COL4A3: variants seen among roughly 807,000 people sequenced by gnomAD.
COL4A3 encodes the protein collagen type IV alpha 3 chain, also known as collagen alpha-3(IV) chain.
In COL4A3, 135 loss-of-function variants were observed where a neutral mutation model predicts 217.4. The observed-to-expected ratio is 0.62, with a 90% CI of 0.54 to 0.72. The LOEUF (loss-of-function observed/expected upper bound fraction) is 0.72. COL4A3 is among the 30% of genes least tolerant of loss of function. The pLI, the probability that COL4A3 is intolerant of heterozygous loss-of-function variation, is 0.00. For missense variants in COL4A3, 1,868 were observed against 2,119.9 expected, an observed-to-expected ratio of 0.88 and a Z score of 2.33; for synonymous variants, 690 against 736.3, an observed-to-expected ratio of 0.94 and a Z score of 1.02.
Position 227,164,766 on chromosome 2 carries a change from C to A in COL4A3, c.40C>A (p.Leu14Met). 1 of 1,523,038 alleles carries A rather than the reference C, an allele frequency of 6.6e-7. No homozygotes were observed. Among genetic ancestry groups the A allele is most frequent in the Non-Finnish European group, 8.8e-7 (1 of 1,142,618 alleles). 94.3% of individuals were successfully genotyped at this position (1,523,038 alleles called of 1,614,324 possible). A position where few individuals can be genotyped will look rare whatever the true frequency, so the allele number is the denominator to read the frequency against. Residue 14 changes from leucine to methionine, a missense_variant, in exon 1 of 52, where the codon CTG becomes ATG. Physicochemically the swap from Leu to Met is conservative, Grantham distance 15. Around this residue, in one of 2 missense-constraint regions of COL4A3, gnomAD observed 365 missense variants for 333.8 expected, o/e 1.09. Coordinates refer to ENST00000396578, the MANE Select transcript of COL4A3 (RefSeq NM_000091.5). This position sits in a 1 kb window ranked among gnomAD's most constrained non-coding sequence, Gnocchi z 4.8. ...RTAPRPQVLL[L>M]PLLLVLLAAA... ...CGCCCCCAGGCCGCAGGTGCTCCTG[C>A]TGCCGCTCCTGCTGGTGCTCCTGGC... is the stretch of plus-strand genomic sequence containing the variant.
intron 47 of COL4A3, chr2:227,305,360 T>G: frequency 2.5e-6 from 1 of 397,674 alleles, no homozygotes. Flanking sequence ...TGGGTGTTCT[T>G]TCAAAAAGGC....
At position 227,226,976 on chromosome 2, in the gene COL4A3, G is replaced by T. The variant is rs2125844119; in HGVS notation, c.88-10992G>T. 2.0e-5 allele frequency among the ~76,000 whole-genome samples: 3 copies of T among 152,302 alleles called. 1 individual carries two copies. In the Middle Eastern group the frequency reaches 0.01, roughly 518 times the overall value. Reference sequence around the variant, plus strand: ...AAATATCCACAACATTTGTATTGATGAAATGCAAACTTATGGACATTGAGA... The same window carrying T: ...AAATATCCACAACATTTGTATTGATTAAATGCAAACTTATGGACATTGAGA... On this transcript the variant is annotated intron_variant, in intron 1 of 51. Transcript: ENST00000396578.
At chr2:227,209,048 CT>C (rs1161641024) in intron 1 of COL4A3, among the ~76,000 whole-genome samples, 1 of 152,206 alleles carries the variant, frequency 6.6e-6, no homozygotes, top group Non-Finnish European at 1.5e-5. Flanking sequence ...TACAAACAAA[CT>C]TTTGGAACCT....
At position 227,304,440 on chromosome 2, in the gene COL4A3, C is replaced by T. The variant is rs1254013360; in HGVS notation, c.4153+296C>T. ...TATGTCTATCTCCTCTGACAACTGT[C>T]AGTCTCGGGGCTCTATTTCTAAATG... On this transcript the variant is annotated intron_variant, in intron 46 of 51. Transcript: ENST00000396578. The T allele has an allele frequency of 8.3e-6, 3 of 363,114 alleles. No individual in the cohort carries two copies. In the East Asian group the frequency reaches 1.9e-4, roughly 22 times the overall value. The allele number at this position is 363,114 out of a possible 1,614,324, so 22.5% of individuals were successfully genotyped here. A position where few individuals can be genotyped will look rare whatever the true frequency, so the allele number is the denominator to read the frequency against.
rs1271338321 is a variant in COL4A3, at chr2:227,254,643, C to G, written c.829-13C>G. 3.7e-6 allele frequency: 6 copies of G among 1,600,462 alleles called. No individual in the cohort carries two copies. Among genetic ancestry groups the G allele is most frequent in the Non-Finnish European group, 5.1e-6 (6 of 1,167,804 alleles). On this transcript the variant is annotated splice_polypyrimidine_tract_variant and intron_variant, in intron 14 of 51. Coordinates refer to ENST00000396578, the MANE Select transcript of COL4A3 (RefSeq NM_000091.5). ...GTAATTCATAAAATTTGACATGGCT[C>G]TAATTAATACAGGGACTGCCTGGAG...
chr2:227,170,209 T>TATTTC (rs10652974), intron 1 of COL4A3, among the ~76,000 whole-genome samples: 7,510 of 152,242 alleles, frequency 0.049, 225 homozygotes, highest in Admixed American at 0.087. Context: ...ATTTTCTTAT[T>TATTTC]TAACAGTTTG....
At chr2:227,213,700 A>G (rs13384288) in intron 1 of COL4A3, among the ~76,000 whole-genome samples, 11,573 of 152,090 alleles carry the variant, frequency 0.076, 644 homozygotes, top group African/African-American at 0.15. Flanking sequence ...TCAGGAGATC[A>G]AGACCAGCCT....
At position 227,310,806 on chromosome 2, in the gene COL4A3, C is replaced by A; in HGVS notation, c.4786C>A (p.Gln1596Lys). 3.1e-6 allele frequency: 5 copies of A among 1,614,118 alleles called. No individual in the cohort carries two copies. In the South Asian group the frequency reaches 4.4e-5, roughly 14 times the overall value. ...AAGTGCAGGTTCTGAGGGCACCGGG[C>A]AAGCACTGGCCTCCCCTGGCTCCTG... ...FTSAGSEGTGQALASPGSCLE... is the reference protein window; with the variant it reads ...FTSAGSEGTGKALASPGSCLE... The change falls in exon 51 of 52, where the codon CAA becomes AAA. Residue 1596 changes from glutamine to lysine, a missense_variant. Gln to Lys is a moderately conservative substitution (Grantham distance 53). Around this residue, in one of 2 missense-constraint regions of COL4A3, gnomAD observed 1,503 missense variants for 1,786.1 expected, o/e 0.84. Coordinates refer to ENST00000396578, the MANE Select transcript of COL4A3 (RefSeq NM_000091.5).
At chr2:227,260,732 A>G (rs1162985244) in intron 19 of COL4A3, among the ~76,000 whole-genome samples, 1 of 152,224 alleles carries the variant, frequency 6.6e-6, no homozygotes, top group East Asian at 1.9e-4. Flanking sequence ...GCAATCTAAG[A>G]TGGAACACCA....
intron 1 of COL4A3, among the ~76,000 whole-genome samples, chr2:227,196,379 A>G (rs12694718): frequency 0.76 from 114,464 of 150,872 alleles, 43,567 homozygotes; most frequent in African/African-American, 0.8. Flanking sequence ...GTGCAGTGGT[A>G]TGATCTCGGC....
intron 1 of COL4A3, among the ~76,000 whole-genome samples, chr2:227,222,730 C>T (rs1246988983): frequency 6.6e-6 from 1 of 152,118 alleles, no homozygotes; most frequent in East Asian, 1.9e-4. Flanking sequence ...AGGTCAGAGG[C>T]AGTGAGAAGT....
At chr2:227,201,494 T>C (rs759244258) in intron 1 of COL4A3, among the ~76,000 whole-genome samples, 1 of 152,170 alleles carries the variant, frequency 6.6e-6, no homozygotes, top group Non-Finnish European at 1.5e-5. Context: ...GAAAGAAGAA[T>C]AGTAGCACTG....
At chr2:227,277,335 A>AAAACAAT in intron 27 of COL4A3, 114 bp from the exon 28 acceptor site, 1 of 741,280 alleles carries the variant, frequency 1.3e-6, no homozygotes, top group South Asian at 1.7e-5. Context: ...AAAAAAAAAA[A>AAAACAAT]AAAAACAATG....
intron 1 of COL4A3, among the ~76,000 whole-genome samples, chr2:227,187,241 C>T (rs1050632635): frequency 6.6e-6 from 1 of 152,178 alleles, no homozygotes; most frequent in African/African-American, 2.4e-5. Flanking sequence ...CAGATATTGA[C>T]TTACCAAGTT....
At chr2:227,193,737 G>GAGGGAAGA (rs1315134531) in intron 1 of COL4A3, among the ~76,000 whole-genome samples, 696 of 43,878 alleles carry the variant, frequency 0.016, 69 homozygotes, top group African/African-American at 0.041. Context: ...AGGAAGGAGG[G>GAGGGAAGA]AGGGAGGGAG....
At chr2:227,277,639 A>G (rs1030981940) in intron 28 of COL4A3, 86 bp downstream of exon 28, 57 of 754,122 alleles carry the variant, frequency 7.6e-5, no homozygotes, top group Non-Finnish European at 1.2e-4. Context: ...GTAAAATACA[A>G]TATGAAGATA....
rs1574688738 is a variant in COL4A3, at chr2:227,250,522, T to A, written c.547-618T>A. ...CACAGCAAGACCCAGTCTCTTAAAA[T>A]ATATATATATATTGCCTTCATAGAG... is the stretch of plus-strand genomic sequence containing the variant. On this transcript the variant is annotated intron_variant, in intron 9 of 51. Coordinates refer to ENST00000396578, the MANE Select transcript of COL4A3 (RefSeq NM_000091.5). This position sits in a 1 kb window ranked among gnomAD's most constrained non-coding sequence, Gnocchi z 4.1. 6.9e-6 allele frequency among the ~76,000 whole-genome samples: 1 copy of A among 144,054 alleles called. No homozygotes were observed. 94.5% of individuals were successfully genotyped at this position (144,054 alleles called of 152,430 possible).
chr2:227,287,401 A>G (rs1187171513), intron 34 of COL4A3, among the ~76,000 whole-genome samples: 1 of 152,050 alleles, frequency 6.6e-6, no homozygotes, highest in African/African-American at 2.4e-5. Flanking sequence ...ACTGCACTCC[A>G]GCATGGCGAG....
intron 1 of COL4A3, among the ~76,000 whole-genome samples, chr2:227,229,079 C>T (rs992137020): frequency 2.0e-5 from 3 of 152,162 alleles, no homozygotes; most frequent in Non-Finnish European, 4.4e-5. Context: ...CCAGGAAGTA[C>T]GTCTCTGGAA....
Sources: gnomAD v4.1 joint callset for allele counts (sites outside exome capture counted in the v4.1 genomes callset) on GRCh38, gnomAD v4.1.1 for gene constraint, gnomAD v4.1.1 regional missense constraint, Gnocchi (gnomAD v3.1) non-coding constraint, MANE v1.5 for transcripts, NCBI Gene and HGNC (gene_info 2026-07-23, HGNC 2026-07-21) for gene names.